Variants in COL6A5 observed in about 807,000 individuals in gnomAD.
COL6A5 encodes the protein collagen alpha-5(VI) chain.
A neutral mutation model predicts 65.6 loss-of-function variants in COL6A5; 48 were observed. The observed-to-expected ratio is 0.73, with a 90% confidence interval of 0.58 to 0.93. The LOEUF (loss-of-function observed/expected upper bound fraction) is 0.93, where lower values mean the gene tolerates loss of function less well. COL6A5 is among the 40% of genes least tolerant of loss of function. The pLI, the probability that COL6A5 is intolerant of heterozygous loss-of-function variation, is 0.00. For synonymous variants in COL6A5, 291 were observed against 322.8 expected (o/e 0.90, Z 1.05); for missense variants, 914 against 928.3 (o/e 0.98, Z 0.20).
chr3:130,388,581 A>C (rs1936279148), exon 6 of COL6A5: 1 of 1,533,418 alleles, frequency 6.5e-7, no homozygotes, highest in African/African-American at 1.4e-5. Context: ...AACATGCAGG[A>C]TGTGAAGACA....
At chr3:130,406,354 G>GAGAATT (rs1559884503) in intron 17 of COL6A5, 33 bp downstream of exon 17, 1 of 1,505,978 alleles carries the variant, frequency 6.6e-7, no homozygotes, top group East Asian at 2.5e-5. Flanking sequence ...TTCAAAGAAG[G>GAGAATT]AGAATTTGGT....
In COL6A5 at chr3:130,385,276, GA is replaced by G. The variant is rs1936145905; in HGVS notation, c.1776del (p.Glu593LysfsTer13). ...AAATAGAACTGCAAGAAATTGCTGGGAAAGAAGAAAGGGTTAGCTTTGGGCA... is the reference window on the plus strand; with the variant it reads ...AAATAGAACTGCAAGAAATTGCTGGGAAGAAGAAAGGGTTAGCTTTGGGCA... On this transcript the variant is annotated frameshift_variant and NMD_transcript_variant, in exon 5 of 42. Transcript: ENST00000312481. The G allele has an allele frequency of 2.6e-6, 4 of 1,550,862 alleles. No individual in the cohort carries two copies. The South Asian group carries it at 3.6e-5, about 14-fold the overall frequency.
intron 1 of COL6A5, 128 bp from the exon 34 acceptor site, chr3:130,439,394 G>A (rs1330143511): frequency 1.7e-6 from 1 of 583,162 alleles, no homozygotes; most frequent in East Asian, 3.2e-5. Context: ...TGCACTGAAT[G>A]GAGCAAAGAG....
intron 1 of COL6A5, among the ~76,000 whole-genome samples, chr3:130,362,326 A>ATATATT (rs1935166422): frequency 4.3e-4 from 2 of 4,668 alleles, no homozygotes; most frequent in African/African-American, 4.8e-4. Flanking sequence ...ATATATATAT[A>ATATATT]TTTTTTTTTT....
At chr3:130,396,098 T>A (rs1228516143) in intron 8 of COL6A5, among the ~76,000 whole-genome samples, 1 of 152,098 alleles carries the variant, frequency 6.6e-6, no homozygotes, top group Non-Finnish European at 1.5e-5. Flanking sequence ...TGAAAAACAA[T>A]GATGCATCTC....
rs1288271300 is a variant in COL6A5, at chr3:130,455,539, TG to T, written c.1418del (p.Val474Ter). 1 of 1,613,008 alleles carries T rather than the reference TG, an allele frequency of 6.2e-7. No individual in the cohort carries two copies. The highest frequency in any genetic ancestry group is 1.1e-5 in the South Asian group (1 of 91,040). ...TAAATTCTGGGAGAGAATCACCTTTTGTAAAGACGGAAGACAATGGAAGTGA... is the reference window on the plus strand; with the variant it reads ...TAAATTCTGGGAGAGAATCACCTTTTTAAAGACGGAAGACAATGGAAGTGA... On this transcript the variant is annotated frameshift_variant, in exon 5 of 8. Transcript: ENST00000512836. LOFTEE classifies it high-confidence loss of function.
chr3:130,424,588 C>T (rs1937571181), intron 29 of COL6A5, among the ~76,000 whole-genome samples: 1 of 152,052 alleles, frequency 6.6e-6, no homozygotes, highest in Non-Finnish European at 1.5e-5. Context: ...AGCTGCTTAT[C>T]TTGTTTTGTG....
chr3:130,388,455 TAAC>T (rs1936275021), intron 5 of COL6A5, 122 bp from the exon 6 acceptor site: 1 of 816,570 alleles, frequency 1.2e-6, no homozygotes, highest in South Asian at 2.1e-5. Flanking sequence ...TTTTCAAACA[TAAC>T]AACAGTTGCC....
Position 130,477,046 on chromosome 3 carries a change from T to C in COL6A5, c.2328+6079T>C, listed in dbSNP as rs968546268. On this transcript the variant is annotated intron_variant, in intron 7 of 7. Coordinates refer to ENST00000512836, the Ensembl canonical transcript of COL6A5. ...CTTTGTCTTTTTGCAGATAAGGAAA[T>C]GGAAGCTACAGACATCTGAAGCATC... 4.7e-6 allele frequency: 7 copies of C among 1,490,944 alleles called. No individual in the cohort carries two copies. In the African/African-American group the frequency reaches 5.5e-5, roughly 12 times the overall value. 92.4% of individuals were successfully genotyped at this position (1,490,944 alleles called of 1,614,324 possible).
intron 5 of COL6A5, among the ~76,000 whole-genome samples, 182 bp from the exon 38 acceptor site, chr3:130,468,613 G>A (rs906635603): frequency 1.3e-5 from 2 of 151,956 alleles, no homozygotes; most frequent in African/African-American, 4.8e-5. Context: ...GGCTCTGCAT[G>A]CGCTATGTGG....
At chr3:130,421,232 C>A (rs1199402084) in intron 26 of COL6A5, 29 bp downstream of exon 26, 2 of 1,546,786 alleles carry the variant, frequency 1.3e-6, no homozygotes, top group Admixed American at 2.0e-5. Flanking sequence ...TATTTTTATT[C>A]ATTGATGAAT....
rs1936538557 is a variant in COL6A5 at position 130,394,874 on chromosome 3, C to CT, written c.2993-10dup. On this transcript the variant is annotated splice_polypyrimidine_tract_variant and intron_variant and NMD_transcript_variant, in intron 7 of 41. Coordinates refer to the COL6A5 transcript ENST00000312481. Reference sequence around the variant, plus strand: ...TGATTCATGAGGAAAATAATTTATTCTTTTTTCTATTGCAGTCTGTCATCT... The same window carrying CT: ...TGATTCATGAGGAAAATAATTTATTCTTTTTTTCTATTGCAGTCTGTCATCT... The CT allele has an allele frequency of 1.3e-6, 2 of 1,524,102 alleles. No homozygotes were observed. The allele number at this position is 1,524,102 out of a possible 1,614,324, so 94.4% of individuals were successfully genotyped here.
At chr3:130,434,084 G>A (rs1395881339) in intron 1 of COL6A5, among the ~76,000 whole-genome samples, 1 of 151,718 alleles carries the variant, frequency 6.6e-6, no homozygotes, top group African/African-American at 2.4e-5. Flanking sequence ...AAGTTTCCTC[G>A]CCTCAACCCC....
intron 5 of COL6A5, among the ~76,000 whole-genome samples, chr3:130,455,914 TAGCATCCACAG>T (rs2107600628): frequency 6.6e-6 from 1 of 152,236 alleles, no homozygotes; most frequent in African/African-American, 2.4e-5. Context: ...AAGATTTCTC[TAGCATCCACAG>T]TTTAGAAGGT....
intron 4 of COL6A5, among the ~76,000 whole-genome samples, chr3:130,381,722 A>C (rs760330937): frequency 6.6e-6 from 1 of 152,226 alleles, no homozygotes; most frequent in East Asian, 1.9e-4. Context: ...GGAATTTGGC[A>C]GCACACAACA....
Position 130,345,696 on chromosome 3 carries a change from A to C in COL6A5, c.-314A>C, listed in dbSNP as rs77463356. 1,512 of 398,670 alleles carry C rather than the reference A, an allele frequency of 3.8e-3. 18 individuals carry two copies. Among genetic ancestry groups the C allele is most frequent in the African/African-American group, 0.029 (1,412 of 48,766 alleles). 24.7% of individuals were successfully genotyped at this position (398,670 alleles called of 1,614,324 possible). A position where few individuals can be genotyped will look rare whatever the true frequency, so the allele number is the denominator to read the frequency against. ...GACACTCACATTAAAACTTGTGAAG[A>C]GTTAAAAGCCCCAGGGAAGAGCCAG... On this transcript the variant is annotated 5_prime_UTR_variant and NMD_transcript_variant, in exon 1 of 42. Coordinates refer to the COL6A5 transcript ENST00000312481.
At chr3:130,463,331 A>G (rs1243206523) in intron 5 of COL6A5, among the ~76,000 whole-genome samples, 2 of 150,006 alleles carry the variant, frequency 1.3e-5, no homozygotes, top group Non-Finnish European at 3.0e-5. Flanking sequence ...CAAATTTCAA[A>G]GCAGGCCACT....
At chr3:130,361,378 T>C (rs1212819892) in intron 1 of COL6A5, among the ~76,000 whole-genome samples, 34 of 152,106 alleles carry the variant, frequency 2.2e-4, no homozygotes, top group Admixed American at 2.2e-3. Flanking sequence ...TTTATTAATA[T>C]GCATTTAAGG....
intron 7 of COL6A5, chr3:130,477,042 G>A: frequency 6.8e-7 from 1 of 1,478,422 alleles, no homozygotes; most frequent in South Asian, 1.2e-5. Flanking sequence ...TGCAGATAAG[G>A]AAATGGAAGC....
Sources: allele counts gnomAD v4.1 joint callset (sites outside exome capture counted in the v4.1 genomes callset), GRCh38; gene constraint gnomAD v4.1.1; transcripts MANE v1.5; gene names NCBI Gene and HGNC (gene_info 2026-07-23, HGNC 2026-07-21).